The following CDH2 variants were observed in gnomAD, a reference collection of about 807,000 sequenced individuals.
The protein encoded by CDH2 is cadherin-2.
In CDH2, 17 loss-of-function variants were observed where a neutral mutation model predicts 92.0. That is an observed-to-expected ratio of 0.18 (90% CI 0.13 to 0.28). The LOEUF is 0.28. Among genes scored for constraint, CDH2 ranks in the 10% least tolerant of loss-of-function variants. The pLI is 1.00. For missense variants in CDH2, 862 were observed against 1,133.1 expected, an observed-to-expected ratio of 0.76 and a Z score of 3.44; for synonymous variants, 419 against 415.9, an observed-to-expected ratio of 1.01 and a Z score of -0.09.
intron 2 of CDH2, among the ~76,000 whole-genome samples, chr18:28,143,491 A>G (rs1399261208): frequency 6.6e-6 from 1 of 151,962 alleles, no homozygotes; most frequent in Non-Finnish European, 1.5e-5. Context: ...AGGTGTGTAC[A>G]AAATACTAAC....
At chr18:28,129,096 T>C (rs1311798347) in intron 2 of CDH2, among the ~76,000 whole-genome samples, 2 of 152,210 alleles carry the variant, frequency 1.3e-5, no homozygotes, top group Non-Finnish European at 2.9e-5. Flanking sequence ...TGTTAAGTAA[T>C]TTTTACCCCT....
intron 2 of CDH2, among the ~76,000 whole-genome samples, chr18:28,113,127 A>T (rs1298424338): frequency 6.6e-6 from 1 of 152,186 alleles, no homozygotes; most frequent in Non-Finnish European, 1.5e-5. Flanking sequence ...TCTATATAGG[A>T]ATTAGGACAG....
At chr18:28,048,940 CAGG>C (rs2014135281) in intron 2 of CDH2, among the ~76,000 whole-genome samples, 3 of 152,110 alleles carry the variant, frequency 2.0e-5, no homozygotes, top group South Asian at 4.1e-4. Context: ...TGCATGCAAG[CAGG>C]AGGACAAACC....
chr18:28,059,149 A>T (rs2014352692), intron 2 of CDH2, among the ~76,000 whole-genome samples: 1 of 152,338 alleles, frequency 6.6e-6, no homozygotes, highest in Admixed American at 6.5e-5. Context: ...GCCTATAACC[A>T]ACCATCAAAC....
chr18:28,045,322 C>T (rs1270428637), intron 2 of CDH2: 5 of 429,880 alleles, frequency 1.2e-5, no homozygotes, highest in South Asian at 7.1e-5. Context: ...ACCCTCCCAA[C>T]AGCTGATGAA....
At chr18:28,048,790 GAAACAGA>G (rs1423968507) in intron 2 of CDH2, among the ~76,000 whole-genome samples, 5 of 152,132 alleles carry the variant, frequency 3.3e-5, no homozygotes, top group Non-Finnish European at 5.9e-5. Flanking sequence ...AATTTCTGTT[GAAACAGA>G]AACAGCAGAG....
At chr18:28,125,199 C>G (rs887729204) in intron 2 of CDH2, among the ~76,000 whole-genome samples, 3 of 152,158 alleles carry the variant, frequency 2.0e-5, no homozygotes, top group Non-Finnish European at 4.4e-5. Flanking sequence ...TCCAATGAAA[C>G]TCACTGTAAA....
At chr18:28,165,897 T>C (rs547558911) in intron 1 of CDH2, among the ~76,000 whole-genome samples, 8 of 151,734 alleles carry the variant, frequency 5.3e-5, no homozygotes, top group African/African-American at 1.9e-4. Context: ...CTTTAACAAA[T>C]GCCAAATGTA....
chr18:27,997,003 T>G (rs2012605249), intron 7 of CDH2, among the ~76,000 whole-genome samples: 1 of 152,228 alleles, frequency 6.6e-6, no homozygotes, highest in African/African-American at 2.4e-5. Context: ...ATATTGACAT[T>G]AATTTCCCTT....
intron 1 of CDH2, among the ~76,000 whole-genome samples, chr18:28,171,024 T>C (rs2016457104): frequency 6.6e-6 from 1 of 150,966 alleles, no homozygotes; most frequent in South Asian, 2.1e-4. Context: ...AAGTCAGGAG[T>C]TCGAGTCGAG....
intron 1 of CDH2, among the ~76,000 whole-genome samples, chr18:28,173,836 C>A (rs888535879): frequency 3.9e-5 from 6 of 151,958 alleles, no homozygotes; most frequent in African/African-American, 1.5e-4. Flanking sequence ...TAACAATAAA[C>A]CTATGTAAAG....
intron 2 of CDH2, among the ~76,000 whole-genome samples, chr18:28,078,941 C>T (rs1453440021): frequency 6.6e-6 from 1 of 152,164 alleles, no homozygotes; most frequent in Non-Finnish European, 1.5e-5. Context: ...TTCCTCCACA[C>T]ACTAATCAGA....
chr18:28,017,469 C>T (rs1156725171), intron 2 of CDH2, among the ~76,000 whole-genome samples: 5 of 151,962 alleles, frequency 3.3e-5, no homozygotes, highest in African/African-American at 4.8e-5. Flanking sequence ...TCTCCCGTTT[C>T]GTTTCTAATT....
chr18:28,023,705 A>G (rs1185735755), intron 2 of CDH2, among the ~76,000 whole-genome samples: 1 of 152,194 alleles, frequency 6.6e-6, no homozygotes, highest in Non-Finnish European at 1.5e-5. Flanking sequence ...TGATTTGCTC[A>G]GAATAAATAA....
At chr18:28,111,701 A>G (rs1344770644) in intron 2 of CDH2, among the ~76,000 whole-genome samples, 1 of 152,188 alleles carries the variant, frequency 6.6e-6, no homozygotes, top group Non-Finnish European at 1.5e-5. Flanking sequence ...AACCCATGCT[A>G]TCAATTAGCA....
Position 28,147,664 on chromosome 18 carries a change from A to C in CDH2, c.172+9T>G. On this transcript the variant is annotated intron_variant, in intron 2 of 15. Coordinates refer to ENST00000269141, the MANE Select transcript of CDH2 (RefSeq NM_001792.5). ...ACTGCATGTACAAATATATCTTTTG[A>C]GATAGTACCATTGAGAAGAGGCTGT... is the stretch of plus-strand genomic sequence containing the variant. The C allele has an allele frequency of 6.6e-7, 1 of 1,515,660 alleles. No homozygotes were observed. Among genetic ancestry groups the C allele is most frequent in the Non-Finnish European group, 9.1e-7 (1 of 1,095,634 alleles). 93.9% of individuals were successfully genotyped at this position (1,515,660 alleles called of 1,614,324 possible). A position where few individuals can be genotyped will look rare whatever the true frequency, so the allele number is the denominator to read the frequency against.
intron 1 of CDH2, among the ~76,000 whole-genome samples, chr18:28,150,069 C>T (rs574478787): frequency 4.6e-5 from 7 of 152,146 alleles, no homozygotes; most frequent in South Asian, 2.1e-4. Context: ...CTAACCCAAA[C>T]GAACACAGGG....
intron 2 of CDH2, among the ~76,000 whole-genome samples, chr18:28,036,124 T>G (rs1160679511): frequency 6.6e-6 from 1 of 152,180 alleles, no homozygotes; most frequent in African/African-American, 2.4e-5. Context: ...AAATACAGTT[T>G]GTTGTTAAGT....
In CDH2 at chr18:28,011,705, C is replaced by T. The variant is rs866712873; in HGVS notation, c.546+141G>A. 2.1e-4 allele frequency: 158 copies of T among 768,838 alleles called. No individual in the cohort carries two copies. The Middle Eastern group carries it at 4.8e-3, about 23-fold the overall frequency. The allele number at this position is 768,838 out of a possible 1,614,324, so 47.6% of individuals were successfully genotyped here. ...AAATGAGAAGAGGCTTTCTACAACA[C>T]TACAGAAATTCTATCTTTATAGAAA... On this transcript the variant is annotated intron_variant, in intron 4 of 15. Coordinates refer to ENST00000269141, the MANE Select transcript of CDH2 (RefSeq NM_001792.5).
Sources: gnomAD v4.1 joint callset for allele counts (sites outside exome capture counted in the v4.1 genomes callset) on GRCh38, gnomAD v4.1.1 for gene constraint, MANE v1.5 for transcripts, NCBI Gene and HGNC (gene_info 2026-07-23, HGNC 2026-07-21) for gene names.